HPSE2: variants seen among roughly 807,000 people sequenced by gnomAD.
HPSE2 encodes heparanase 2 (inactive), also known as inactive heparanase-2.
In HPSE2, 38 loss-of-function variants were observed where a neutral mutation model predicts 60.5. That is an observed-to-expected ratio of 0.63 (90% CI 0.48 to 0.82). The LOEUF (loss-of-function observed/expected upper bound fraction) is 0.82, where lower values mean the gene tolerates loss of function less well. Ranked by LOEUF, HPSE2 falls within the 40% of genes least tolerant of loss-of-function variation. The pLI, the probability that HPSE2 is intolerant of heterozygous loss-of-function variation, is 0.00. For missense variants in HPSE2, 713 were observed against 740.4 expected (o/e 0.96, Z 0.43); for synonymous variants, 295 against 293.2 (o/e 1.01, Z -0.06).
At chr10:98,687,316 T>C (rs996039110) in intron 6 of HPSE2, among the ~76,000 whole-genome samples, 1 of 152,222 alleles carries the variant, frequency 6.6e-6, no homozygotes, top group Non-Finnish European at 1.5e-5. Flanking sequence ...CTGCAATCAT[T>C]GGCTCTTGTT....
intron 2 of HPSE2, among the ~76,000 whole-genome samples, chr10:99,224,601 G>C (rs762133085): frequency 6.6e-6 from 1 of 152,046 alleles, no homozygotes; most frequent in Non-Finnish European, 1.5e-5. Context: ...CAGGAGTCCA[G>C]ATCACATGAC....
At chr10:99,259,083 A>G in the HPSE2 span, among the ~76,000 whole-genome samples, 53 of 152,198 alleles carry the variant, frequency 3.5e-4, no homozygotes, top group African/African-American at 1.3e-3. Context: ...ATGTGGGTGG[A>G]TCACCTGAGG....
chr10:98,774,378 C>T (rs938190704), intron 3 of HPSE2, among the ~76,000 whole-genome samples: 1 of 152,080 alleles, frequency 6.6e-6, no homozygotes, highest in African/African-American at 2.4e-5. Flanking sequence ...CAACCACTAC[C>T]AAAACAAACA....
At chr10:98,541,422 T>A (rs1351272592) in intron 9 of HPSE2, among the ~76,000 whole-genome samples, 11 of 152,214 alleles carry the variant, frequency 7.2e-5, no homozygotes, top group Non-Finnish European at 1.6e-4. Context: ...CATTTCCATC[T>A]GAGGTACCGG....
chr10:98,698,586 A>G (rs1428791892), intron 5 of HPSE2, among the ~76,000 whole-genome samples: 5 of 152,092 alleles, frequency 3.3e-5, no homozygotes, highest in African/African-American at 7.2e-5. Context: ...AAGAACTAGA[A>G]AAGCAAGAGC....
intron 3 of HPSE2, among the ~76,000 whole-genome samples, chr10:99,065,749 GAGGA>G (rs1262655250): frequency 6.6e-6 from 1 of 152,154 alleles, no homozygotes; most frequent in African/African-American, 2.4e-5. Flanking sequence ...AAGTGGGTGG[GAGGA>G]AGGAAGTATG....
At chr10:99,188,596 T>C (rs1244474283) in intron 2 of HPSE2, among the ~76,000 whole-genome samples, 1 of 152,028 alleles carries the variant, frequency 6.6e-6, no homozygotes, top group Admixed American at 6.6e-5. Flanking sequence ...TCATACAACA[T>C]ATTGGAAAAA....
chr10:98,633,669 C>T (rs778988065), intron 7 of HPSE2, among the ~76,000 whole-genome samples: 26 of 152,194 alleles, frequency 1.7e-4, no homozygotes, highest in Admixed American at 3.3e-4. Flanking sequence ...TTCTGGTCAA[C>T]AGCAGGCTAT....
At chr10:98,588,269 A>T (rs1944991605) in intron 9 of HPSE2, among the ~76,000 whole-genome samples, 1 of 151,712 alleles carries the variant, frequency 6.6e-6, no homozygotes, top group African/African-American at 2.4e-5. Flanking sequence ...TTTGGAGGGG[A>T]TGAGACCAGG....
chr10:99,048,631 G>A, intron 3 of HPSE2, among the ~76,000 whole-genome samples: 1 of 152,110 alleles, frequency 6.6e-6, no homozygotes, highest in East Asian at 1.9e-4. Context: ...ACTGTTTTTG[G>A]GAATGTAAGT....
chr10:98,727,240 T>C (rs1949109148), intron 4 of HPSE2, among the ~76,000 whole-genome samples: 2 of 152,124 alleles, frequency 1.3e-5, no homozygotes, highest in Admixed American at 6.6e-5. Context: ...AAAAAGCTAT[T>C]ATACATGAAA....
At chr10:98,937,295 C>A (rs1954829756) in intron 3 of HPSE2, among the ~76,000 whole-genome samples, 1 of 144,538 alleles carries the variant, frequency 6.9e-6, no homozygotes, top group South Asian at 2.1e-4. Context: ...TTGCCTCACT[C>A]AGGAAGTGCA....
chr10:98,655,743 A>C (rs1363214105), intron 6 of HPSE2, among the ~76,000 whole-genome samples: 2 of 152,098 alleles, frequency 1.3e-5, no homozygotes. Context: ...CTTAATCTCC[A>C]CTTTGTATTG....
At chr10:99,134,409 C>A (rs1845563446) in intron 3 of HPSE2, among the ~76,000 whole-genome samples, 1 of 152,132 alleles carries the variant, frequency 6.6e-6, no homozygotes. Context: ...AACCCCAAGA[C>A]ACATTATCGT....
intron 3 of HPSE2, among the ~76,000 whole-genome samples, chr10:99,004,170 G>A (rs1295725947): frequency 6.6e-6 from 1 of 151,962 alleles, no homozygotes; most frequent in Non-Finnish European, 1.5e-5. Context: ...ACAGCACACA[G>A]TTGGCCCAGC....
intron 6 of HPSE2, among the ~76,000 whole-genome samples, chr10:98,663,051 G>C (rs1403876881): frequency 1.3e-5 from 2 of 152,152 alleles, no homozygotes; most frequent in Non-Finnish European, 2.9e-5. Flanking sequence ...GACTTAATAT[G>C]GGTCACAAAG....
intron 3 of HPSE2, among the ~76,000 whole-genome samples, chr10:99,125,008 T>C (rs1845109419): frequency 1.3e-5 from 2 of 152,228 alleles, no homozygotes; most frequent in Admixed American, 1.3e-4. Flanking sequence ...GATGACATAG[T>C]ACAGTATTGT....
chr10:98,657,481 T>C (rs1221289089), intron 6 of HPSE2, among the ~76,000 whole-genome samples: 2 of 152,044 alleles, frequency 1.3e-5, no homozygotes, highest in African/African-American at 2.4e-5. Flanking sequence ...GGATTATAGG[T>C]GCACGCCACC....
intron 3 of HPSE2, among the ~76,000 whole-genome samples, chr10:98,750,051 C>T (rs1949723997): frequency 6.6e-6 from 1 of 150,958 alleles, no homozygotes; most frequent in African/African-American, 2.4e-5. Context: ...AGAAGTAAAG[C>T]AGGGTAGGAG....
Sources: allele counts gnomAD v4.1 joint callset (sites outside exome capture counted in the v4.1 genomes callset), GRCh38; gene constraint gnomAD v4.1.1; transcripts MANE v1.5; gene names NCBI Gene and HGNC (gene_info 2026-07-23, HGNC 2026-07-21).